Variants in BCKDHA observed in about 807,000 individuals in gnomAD.
BCKDHA encodes the protein branched chain keto acid dehydrogenase E1 subunit alpha, also known as 2-oxoisovalerate dehydrogenase subunit alpha, mitochondrial.
BCKDHA carries 43 observed loss-of-function variants against 52.2 expected under a neutral mutation model. The ratio of observed to expected loss-of-function variants is 0.82; its 90% CI spans 0.64 to 1.06. BCKDHA has a LOEUF of 1.06. Among genes scored for constraint, BCKDHA ranks in the 50% least tolerant of loss-of-function variants. The pLI, the probability that BCKDHA is intolerant of heterozygous loss-of-function variation, is 0.00. For missense variants in BCKDHA, 527 were observed against 621.3 expected, an observed-to-expected ratio of 0.85 and a Z score of 1.61; for synonymous variants, 234 against 247.9, an observed-to-expected ratio of 0.94 and a Z score of 0.53.
chr19:41,421,555 G>C (rs2039364751), intron 5 of BCKDHA, among the ~76,000 whole-genome samples: 3 of 151,952 alleles, frequency 2.0e-5, no homozygotes, highest in East Asian at 1.9e-4. Context: ...AGCAGGTGTG[G>C]AGTGAGCGGG....
In BCKDHA at chr19:41,422,207, G is replaced by T. The variant is rs759249338; in HGVS notation, c.690G>T (p.Arg230Ser). 1 of 1,614,146 alleles carries T rather than the reference G, an allele frequency of 6.2e-7. No individual in the cohort carries two copies. The highest frequency in any genetic ancestry group is 1.3e-5 in the African/African-American group (1 of 75,052). The change falls in exon 6 of 9, where the codon AGG (arginine) becomes AGT (serine). Residue 230 changes from arginine (R) to serine (S), a missense_variant. By Grantham distance (110) the Arg-to-Ser change is moderately radical. Coordinates refer to ENST00000269980, the MANE Select transcript of BCKDHA (RefSeq NM_000709.4). ...AYAAKRANAN[R>S]VVICYFGEGA... Reference sequence around the variant, plus strand: ...CAGCCAAGCGGGCCAATGCCAACAGGGTCGTCATCTGTTACTTCGGCGAGG... The same window carrying T: ...CAGCCAAGCGGGCCAATGCCAACAGTGTCGTCATCTGTTACTTCGGCGAGG...
intron 1 of BCKDHA, among the ~76,000 whole-genome samples, chr19:41,405,666 C>T (rs966211968): frequency 4.6e-5 from 7 of 152,120 alleles, no homozygotes; most frequent in African/African-American, 1.7e-4. Context: ...CTCAAGTGAT[C>T]CTCTTGCCTC....
Position 41,423,111 on chromosome 19 carries a change from G to C in BCKDHA, c.1109G>C (p.Ser370Thr). ...PISRLRHYLL[S>T]QGWWDEEQEK... is the part of the protein sequence containing the mutation. ...TCCCGGCTGCGGCACTATCTGCTGA[G>C]CCAAGGCTGGTGGGATGAGGAGCAG... The change falls in exon 8 of 9, where the codon AGC becomes ACC. Residue 370 changes from serine to threonine, a missense_variant. Physicochemically the swap from Ser to Thr is moderately conservative, Grantham distance 58. Coordinates refer to ENST00000269980, the MANE Select transcript of BCKDHA (RefSeq NM_000709.4). 1 of 1,564,826 alleles carries C rather than the reference G, an allele frequency of 6.4e-7. No homozygotes were observed. The highest frequency in any genetic ancestry group is 2.4e-5 in the East Asian group (1 of 42,308).
Position 41,413,994 on chromosome 19 carries a change from C to T in BCKDHA, c.376-55C>T, listed in dbSNP as rs866224280. ...AGCTGGGCAGGATTTGGATGGCTCT[C>T]TGTCATTGCCCAGCATAACCAATTG... On this transcript the variant is annotated intron_variant, in intron 3 of 8. Transcript: ENST00000269980. 8.9e-6 allele frequency: 13 copies of T among 1,464,972 alleles called. No homozygotes were observed. The Middle Eastern group carries it at 9.4e-4, about 106-fold the overall frequency. The allele number at this position is 1,464,972 out of a possible 1,614,324, so 90.7% of individuals were successfully genotyped here.
In BCKDHA at chr19:41,406,707, T is replaced by C. The variant is rs1223556424; in HGVS notation, c.109-3930T>C. ...GCCTCAGCCTCCCAAGTAGCTGGGA[T>C]TACAGGCACCTACCATCATGCACGG... On this transcript the variant is annotated intron_variant, in intron 1 of 8. Transcript: ENST00000269980. 3.9e-5 allele frequency among the ~76,000 whole-genome samples: 6 copies of C among 152,198 alleles called. No individual in the cohort carries two copies. In the East Asian group the frequency reaches 9.6e-4, roughly 24 times the overall value.
In BCKDHA at chr19:41,424,582, T is replaced by A. The variant is rs137852870; in HGVS notation, c.1312T>A (p.Tyr438Asn). ...CCACCTGCAGACCTACGGGGAGCACTACCCACTGGATCACTTCGATAAGTG... is the reference window on the plus strand; with the variant it reads ...CCACCTGCAGACCTACGGGGAGCACAACCCACTGGATCACTTCGATAAGTG... The part of the protein sequence containing the change: ...ARHLQTYGEH[Y>N]PLDHFDK The change falls in exon 9 of 9, where the codon TAC (tyrosine) becomes AAC (asparagine). Residue 438 changes from tyrosine to asparagine, a missense_variant. Physicochemically the swap from Tyr to Asn is moderately radical, Grantham distance 143. Transcript: ENST00000269980. The A allele has an allele frequency of 5.7e-5, 92 of 1,611,804 alleles. No individual in the cohort carries two copies. The highest frequency in any genetic ancestry group is 7.3e-5 in the Non-Finnish European group (86 of 1,178,482).
chr19:41,404,414 C>T (rs7258973), intron 1 of BCKDHA, among the ~76,000 whole-genome samples: 99,653 of 151,104 alleles, frequency 0.66, 33,830 homozygotes, highest in African/African-American at 0.83. Flanking sequence ...CTCAGCCTCC[C>T]GAGTAGCTGG....
intron 4 of BCKDHA, among the ~76,000 whole-genome samples, chr19:41,415,835 A>AG (rs1188662145): frequency 4.1e-3 from 1 of 242 alleles, no homozygotes; most frequent in East Asian, 0.056. Flanking sequence ...TTTTTAGTAG[A>AG]GGCGGGTTTC....
At chr19:41,419,793 G>A (rs1438014408) in intron 5 of BCKDHA, among the ~76,000 whole-genome samples, 2 of 134,266 alleles carry the variant, frequency 1.5e-5, no homozygotes, top group African/African-American at 5.2e-5. Flanking sequence ...CTGAGACGGG[G>A]TTTCACTCTC....
In BCKDHA at chr19:41,401,174, T is replaced by A. The variant is rs182807550; in HGVS notation, c.108+3239T>A. On this transcript the variant is annotated intron_variant, in intron 1 of 8. Transcript: ENST00000269980. Reference sequence around the variant, plus strand: ...TCACCACAACCTCCTCTTCCTGGGTTCAAGCGATTCTCCTGCCTCAGCCTC... The same window carrying A: ...TCACCACAACCTCCTCTTCCTGGGTACAAGCGATTCTCCTGCCTCAGCCTC... Among the ~76,000 whole-genome samples, 607 of 151,894 alleles carry A rather than the reference T, an allele frequency of 4.0e-3. 5 individuals are homozygous for A. Among genetic ancestry groups the A allele is most frequent in the African/African-American group, 0.014 (581 of 41,424 alleles).
chr19:41,420,049 G>C (rs1438086534), intron 5 of BCKDHA, among the ~76,000 whole-genome samples: 2 of 152,142 alleles, frequency 1.3e-5, no homozygotes, highest in Non-Finnish European at 2.9e-5. Flanking sequence ...TTACAGATGT[G>C]AGCCACTGCA....
In BCKDHA at chr19:41,422,992, G is replaced by C. The variant is rs74586298; in HGVS notation, c.996-6G>C. 5.6e-6 allele frequency: 9 copies of C among 1,608,112 alleles called. No individual in the cohort carries two copies. Among genetic ancestry groups the C allele is most frequent in the African/African-American group, 1.3e-5 (1 of 74,672 alleles). On this transcript the variant is annotated splice_polypyrimidine_tract_variant and splice_region_variant and intron_variant, in intron 7 of 8. Transcript: ENST00000269980. ...CACTGACCTGGGGCCCCTTGCCCCT[G>C]TGCAGGATCGGGCACCACAGCACCA...
At position 41,424,761 on chromosome 19, in the gene BCKDHA, C is replaced by G. The variant is rs1183699081; in HGVS notation, c.*153C>G. 6.3e-6 allele frequency: 5 copies of G among 792,048 alleles called. No individual in the cohort carries two copies. The highest frequency in any genetic ancestry group is 9.7e-6 in the Non-Finnish European group (5 of 516,010). The allele number at this position is 792,048 out of a possible 1,614,324, so 49.1% of individuals were successfully genotyped here. A position where few individuals can be genotyped will look rare whatever the true frequency, so the allele number is the denominator to read the frequency against. ...CCAGGGCGGCTGCCACTCTTCACCC[C>G]TGCTCCTCCCGGCTGTTACATTGTC... On this transcript the variant is annotated 3_prime_UTR_variant, in exon 9 of 9. Coordinates refer to ENST00000269980, the MANE Select transcript of BCKDHA (RefSeq NM_000709.4).
chr19:41,402,447 A>G lies in BCKDHA; in HGVS notation c.108+4512A>G, dbSNP rs549437019. Among the ~76,000 whole-genome samples, 13 of 152,252 alleles carry G rather than the reference A, an allele frequency of 8.5e-5. 1 individual carries two copies. The South Asian group carries it at 2.5e-3, about 29-fold the overall frequency. ...ATTTTTTATTATATTTAATACACCA[A>G]TAGTGCAAGGCCTTTATTGGTAGTA... is the stretch of plus-strand genomic sequence containing the variant. On this transcript the variant is annotated intron_variant, in intron 1 of 8. Transcript: ENST00000269980.
chr19:41,414,244 G>C, intron 4 of BCKDHA, 87 bp downstream of exon 4: 1 of 1,300,476 alleles, frequency 7.7e-7, no homozygotes, highest in Non-Finnish European at 1.1e-6. Flanking sequence ...GCAGCATAGT[G>C]CCAGGAAGGT....
intron 3 of BCKDHA, 60 bp downstream of exon 3, chr19:41,411,069 T>A: frequency 6.4e-7 from 1 of 1,569,450 alleles, no homozygotes; most frequent in African/African-American, 1.3e-5. Context: ...CCTACCTGTG[T>A]TTGGGCCAAA....
chr19:41,421,055 G>C (rs192329345), intron 5 of BCKDHA, among the ~76,000 whole-genome samples: 16 of 152,312 alleles, frequency 1.1e-4, no homozygotes, highest in Non-Finnish European at 2.1e-4. Flanking sequence ...GGAACAAGAA[G>C]CAGTTTGAGC....
At chr19:41,424,194 T>C (rs1287833870) in intron 8 of BCKDHA, among the ~76,000 whole-genome samples, 1 of 152,152 alleles carries the variant, frequency 6.6e-6, no homozygotes, top group Non-Finnish European at 1.5e-5. Context: ...AGTTTCCTCA[T>C]TGCTTAGCTG....
At chr19:41,416,970 A>G (rs1379793535) in intron 4 of BCKDHA, among the ~76,000 whole-genome samples, 1 of 152,080 alleles carries the variant, frequency 6.6e-6, no homozygotes, top group Non-Finnish European at 1.5e-5. Context: ...AGCAGTTCCC[A>G]CTGGACCTGG....
Sources: gnomAD v4.1 joint callset for allele counts (sites outside exome capture counted in the v4.1 genomes callset) on GRCh38, gnomAD v4.1.1 for gene constraint, MANE v1.5 for transcripts, NCBI Gene and HGNC (gene_info 2026-07-23, HGNC 2026-07-21) for gene names.